Variants in SEPTIN2 observed in about 807,000 individuals in gnomAD.
The protein encoded by SEPTIN2 is septin-2.
Under a neutral mutation model 46.5 loss-of-function variants are expected in SEPTIN2, and 34 were observed. The observed-to-expected ratio is 0.73, with a 90% CI of 0.56 to 0.97. The LOEUF is 0.97. SEPTIN2 is among the 50% of genes least tolerant of loss of function. The pLI is 0.00. For missense variants in SEPTIN2, 347 were observed against 448.4 expected, an observed-to-expected ratio of 0.77 and a Z score of 2.04; for synonymous variants, 175 against 153.4, an observed-to-expected ratio of 1.14 and a Z score of -1.04.
At chr2:241,338,705 ATAT>A (rs916325193) in intron 7 of SEPTIN2, among the ~76,000 whole-genome samples, 16 of 105,120 alleles carry the variant, frequency 1.5e-4, no homozygotes, top group East Asian at 1.2e-3. Flanking sequence ...TATTATATTT[ATAT>A]TATTTATATA....
intron 3 of SEPTIN2, among the ~76,000 whole-genome samples, chr2:241,328,238 C>G (rs1214281224): frequency 1.3e-5 from 2 of 151,924 alleles, no homozygotes; most frequent in Non-Finnish European, 2.9e-5. Flanking sequence ...AGTTTGAGAC[C>G]AGCCTGGCCA....
chr2:241,333,839 T>A (rs977014330), intron 3 of SEPTIN2, among the ~76,000 whole-genome samples: 1 of 152,140 alleles, frequency 6.6e-6, no homozygotes, highest in Non-Finnish European at 1.5e-5. Context: ...TATTTGTTCT[T>A]GATTTTCCCA....
chr2:241,337,567 T>A, intron 6 of SEPTIN2, 51 bp downstream of exon 6: 1 of 1,599,348 alleles, frequency 6.3e-7, no homozygotes, highest in Non-Finnish European at 8.5e-7. Flanking sequence ...GGTTTGTAAG[T>A]TTTACCCAAA....
At position 241,318,846 on chromosome 2, in the gene SEPTIN2, C is replaced by T. The variant is rs540779361; in HGVS notation, c.-18+2864C>T. ...CTGGGTAGCTGGGATTACAGGCAGG[C>T]GCCACCACACCTGGCTAATTTTTGT... is the stretch of plus-strand genomic sequence containing the variant. On this transcript the variant is annotated intron_variant, in intron 1 of 12. Transcript: ENST00000391971. Among the ~76,000 whole-genome samples the T allele has an allele frequency of 4.7e-4, 72 of 151,868 alleles. No individual in the cohort carries two copies. In the South Asian group the frequency reaches 0.015, roughly 31 times the overall value.
intron 1 of SEPTIN2, among the ~76,000 whole-genome samples, chr2:241,319,835 C>T (rs998787688): frequency 1.3e-5 from 2 of 152,326 alleles, no homozygotes; most frequent in African/African-American, 4.8e-5. Flanking sequence ...CTCAAGCGCT[C>T]CTCCTGCCTC....
chr2:241,342,508 T>G (rs2081385178), intron 7 of SEPTIN2, among the ~76,000 whole-genome samples: 1 of 151,326 alleles, frequency 6.6e-6, no homozygotes, highest in South Asian at 2.1e-4. Flanking sequence ...AATTCAAGTA[T>G]AAATACCTTT....
At chr2:241,326,187 G>A (rs890430977) in intron 3 of SEPTIN2, 74 bp downstream of exon 3, 7 of 1,409,742 alleles carry the variant, frequency 5.0e-6, no homozygotes, top group Middle Eastern at 1.8e-4. Flanking sequence ...GTATGATAAC[G>A]TGACCTATAA....
intron 9 of SEPTIN2, among the ~76,000 whole-genome samples, chr2:241,344,822 T>C (rs1381090253): frequency 6.6e-6 from 1 of 152,096 alleles, no homozygotes; most frequent in Non-Finnish European, 1.5e-5. Context: ...TCCTGGCATT[T>C]TGGGAGGCCC....
chr2:241,322,612 AAAAAAAG>A (rs1344390598), intron 1 of SEPTIN2, among the ~76,000 whole-genome samples: 1 of 152,100 alleles, frequency 6.6e-6, no homozygotes, highest in African/African-American at 2.4e-5. Context: ...TCTCAAAAAA[AAAAAAAG>A]AAAAGAGAAA....
intron 3 of SEPTIN2, among the ~76,000 whole-genome samples, chr2:241,331,170 CTCCGTCTCA>C (rs2078941506): frequency 6.6e-6 from 1 of 152,024 alleles, no homozygotes; most frequent in African/African-American, 2.4e-5. Context: ...CAGAGCGAGA[CTCCGTCTCA>C]AAAAAAACAA....
chr2:241,329,555 A>G (rs922679978), intron 3 of SEPTIN2, among the ~76,000 whole-genome samples: 4 of 152,192 alleles, frequency 2.6e-5, no homozygotes, highest in Non-Finnish European at 4.4e-5. Context: ...CCATAAAGAA[A>G]TAGTACTTGA....
intron 1 of SEPTIN2, among the ~76,000 whole-genome samples, chr2:241,321,192 C>T (rs1268324678): frequency 6.6e-6 from 1 of 152,140 alleles, no homozygotes; most frequent in Non-Finnish European, 1.5e-5. Context: ...CTCAGTTCTT[C>T]TCTGTCCTTG....
rs191970272 is a variant in SEPTIN2, at chr2:241,353,682, A to G, written c.*1745A>G. 1 of 152,856 alleles carries G rather than the reference A, an allele frequency of 6.5e-6. No homozygotes were observed. The highest frequency in any genetic ancestry group is 2.4e-5 in the African/African-American group (1 of 41,458). 9.5% of individuals were successfully genotyped at this position (152,856 alleles called of 1,614,324 possible). A position where few individuals can be genotyped will look rare whatever the true frequency, so the allele number is the denominator to read the frequency against. On this transcript the variant is annotated 3_prime_UTR_variant, in exon 13 of 13. Coordinates refer to ENST00000391971, the MANE Select transcript of SEPTIN2 (RefSeq NM_004404.5). ...TTCAGAGTACATCCATGCGGAGTCC[A>G]TTATTTGAGTTTGACATTTAATAAC... is the stretch of plus-strand genomic sequence containing the variant.
intron 1 of SEPTIN2, chr2:241,317,645 A>T (rs759129592): frequency 2.8e-5 from 21 of 760,348 alleles, no homozygotes; most frequent in Non-Finnish European, 3.2e-5. Context: ...CATACATGCC[A>T]CTTATCCCTG....
At chr2:241,351,052 G>C (rs1376640944) in intron 12 of SEPTIN2, among the ~76,000 whole-genome samples, 1 of 152,204 alleles carries the variant, frequency 6.6e-6, no homozygotes, top group Non-Finnish European at 1.5e-5. Context: ...AAGATCTGAG[G>C]ATGAAACGCT....
intron 1 of SEPTIN2, chr2:241,316,522 G>A (rs1406250857): frequency 2.6e-6 from 4 of 1,521,748 alleles, no homozygotes; most frequent in Non-Finnish European, 3.5e-6. Flanking sequence ...GGTACCTTCG[G>A]CGAGGAGAGG....
Position 241,352,340 on chromosome 2 carries a change from C to A in SEPTIN2, c.*403C>A, listed in dbSNP as rs1269162660. On this transcript the variant is annotated 3_prime_UTR_variant, in exon 13 of 13. Coordinates refer to ENST00000391971, the MANE Select transcript of SEPTIN2 (RefSeq NM_004404.5). ...AACATTCAGATTTACCATAATGTTC[C>A]TTAGTGGTAGAGGTGTGTGCCTAGT... 1 of 152,560 alleles carries A rather than the reference C, an allele frequency of 6.6e-6. No homozygotes were observed. Among genetic ancestry groups the A allele is most frequent in the African/African-American group, 2.4e-5 (1 of 41,424 alleles). The allele number at this position is 152,560 out of a possible 1,614,324, so 9.5% of individuals were successfully genotyped here. A position where few individuals can be genotyped will look rare whatever the true frequency, so the allele number is the denominator to read the frequency against.
At chr2:241,348,414 A>G (rs2060470641) in intron 11 of SEPTIN2, among the ~76,000 whole-genome samples, 2 of 152,048 alleles carry the variant, frequency 1.3e-5, no homozygotes, top group South Asian at 2.1e-4. Flanking sequence ...TATTTTTAGT[A>G]GAGACGGGGT....
intron 7 of SEPTIN2, among the ~76,000 whole-genome samples, chr2:241,340,735 C>G (rs115277529): frequency 6.6e-6 from 1 of 152,282 alleles, no homozygotes; most frequent in African/African-American, 2.4e-5. Flanking sequence ...CGAAATACTT[C>G]GAGCTTTTAT....
Sources: allele counts gnomAD v4.1 joint callset (sites outside exome capture counted in the v4.1 genomes callset), GRCh38; gene constraint gnomAD v4.1.1; transcripts MANE v1.5; gene names NCBI Gene and HGNC (gene_info 2026-07-23, HGNC 2026-07-21).